AOX1: variants seen among roughly 807,000 people sequenced by gnomAD.
The protein encoded by AOX1 is aldehyde oxidase 1, also known as aldehyde oxidase.
Under a neutral mutation model 169.5 loss-of-function variants are expected in AOX1, and 153 were observed. The observed-to-expected ratio is 0.90, with a 90% CI of 0.79 to 1.03. The LOEUF is 1.03. Ranked by LOEUF, AOX1 falls within the 50% of genes least tolerant of loss-of-function variation. AOX1 has a pLI of 0.00. For synonymous variants in AOX1, 562 were observed against 581.9 expected (o/e 0.97, Z 0.49); for missense variants, 1,656 against 1,663.9 (o/e 1.00, Z 0.08).
intron 22 of AOX1, 74 bp downstream of exon 22, chr2:200,637,118 G>T: frequency 6.4e-7 from 1 of 1,563,170 alleles, no homozygotes; most frequent in South Asian, 1.2e-5. Flanking sequence ...CAATGAGGAA[G>T]AACCTGGGCC....
At chr2:200,661,777 C>T (rs1484027732) in intron 30 of AOX1, 146 bp downstream of exon 30, 4 of 639,692 alleles carry the variant, frequency 6.3e-6, no homozygotes, top group East Asian at 2.8e-5. Flanking sequence ...GCTAGTTAAT[C>T]CATGGTTGTG....
At chr2:200,603,424 A>G in intron 7 of AOX1, 68 bp downstream of exon 7, 1 of 1,269,616 alleles carries the variant, frequency 7.9e-7, no homozygotes, top group Non-Finnish European at 1.1e-6. Flanking sequence ...TACTCTTAGG[A>G]AGAACAAATG....
intron 16 of AOX1, 82 bp downstream of exon 16, chr2:200,616,145 A>G: frequency 1.0e-6 from 1 of 999,482 alleles, no homozygotes; most frequent in Non-Finnish European, 1.5e-6. Flanking sequence ...TCTCTCCGTG[A>G]AACTCAAGCT....
intron 34 of AOX1, among the ~76,000 whole-genome samples, chr2:200,670,300 G>A (rs932004424): frequency 6.6e-6 from 1 of 152,108 alleles, no homozygotes; most frequent in Non-Finnish European, 1.5e-5. Context: ...TTGACTGAAG[G>A]GAAAGCCCCT....
At chr2:200,638,171 G>T (rs370676587) in intron 22 of AOX1, 44 bp from the exon 23 acceptor site, 3 of 1,577,864 alleles carry the variant, frequency 1.9e-6, no homozygotes, top group Admixed American at 1.7e-5. Context: ...GAGAATGCCT[G>T]CTAGGTAAAA....
chr2:200,627,431 G>C lies in AOX1; in HGVS notation c.2203G>C (p.Val735Leu), dbSNP rs2035028793. Residue 735 changes from valine to leucine, a missense_variant, in exon 20 of 35, where the codon GTT becomes CTT. Coordinates refer to ENST00000374700, the MANE Select transcript of AOX1 (RefSeq NM_001159.4). Reference protein sequence around the residue: ...YGNVDEAFKVVDQILEGEIHM... With the variant: ...YGNVDEAFKVLDQILEGEIHM... ...AAATGTTGACGAAGCATTTAAAGTG[G>C]TTGATCAAATTCTTGAAGGTAAAAA... is the stretch of plus-strand genomic sequence containing the variant. 3 of 1,613,040 alleles carry C rather than the reference G, an allele frequency of 1.9e-6. No homozygotes were observed. Among genetic ancestry groups the C allele is most frequent in the Non-Finnish European group, 1.7e-6 (2 of 1,179,162 alleles).
rs2035789444 is a variant in AOX1 at position 200,659,989 on chromosome 2, C to G, written c.3301-6C>G. 4 of 1,608,196 alleles carry G rather than the reference C, an allele frequency of 2.5e-6. No homozygotes were observed. The highest frequency in any genetic ancestry group is 3.4e-6 in the Non-Finnish European group (4 of 1,176,282). ...AGCATAATTTTAATTTAAAAATAAT[C>G]TCTAGGATGCCTGTCAAACTCTTCT... On this transcript the variant is annotated splice_region_variant and splice_polypyrimidine_tract_variant and intron_variant, in intron 28 of 34. Transcript: ENST00000374700.
chr2:200,621,607 A>G (rs2034887544), intron 18 of AOX1, among the ~76,000 whole-genome samples: 1 of 152,064 alleles, frequency 6.6e-6, no homozygotes, highest in African/African-American at 2.4e-5. Context: ...TCAAAGTTCA[A>G]CTACAAGTTC....
chr2:200,587,430 G>A (rs1559226903), intron 1 of AOX1, among the ~76,000 whole-genome samples: 2 of 152,150 alleles, frequency 1.3e-5, no homozygotes, highest in African/African-American at 2.4e-5. Context: ...TTTTCCCGAC[G>A]GGCACCAGCT....
rs552663849 is a variant in AOX1, at chr2:200,669,316, A to T, written c.3799-259A>T. On this transcript the variant is annotated intron_variant, in intron 33 of 34. Coordinates refer to ENST00000374700, the MANE Select transcript of AOX1 (RefSeq NM_001159.4). ...AAAAAATAGCCAGGTGTGGCGGTGCATGTCTATAATCCCAGCTACTTGGAG... is the reference window on the plus strand; with the variant it reads ...AAAAAATAGCCAGGTGTGGCGGTGCTTGTCTATAATCCCAGCTACTTGGAG... Among the ~76,000 whole-genome samples, 3 of 152,094 alleles carry T rather than the reference A, an allele frequency of 2.0e-5. No homozygotes were observed. In the South Asian group the frequency reaches 6.2e-4, roughly 32 times the overall value.
At chr2:200,633,194 G>A (rs1480021241) in intron 20 of AOX1, among the ~76,000 whole-genome samples, 2 of 152,064 alleles carry the variant, frequency 1.3e-5, no homozygotes, top group African/African-American at 4.8e-5. Flanking sequence ...TGACTATGAG[G>A]TATCTTGGAG....
At chr2:200,596,174 G>T (rs187886267) in intron 3 of AOX1, among the ~76,000 whole-genome samples, 1 of 152,326 alleles carries the variant, frequency 6.6e-6, no homozygotes, top group East Asian at 1.9e-4. Context: ...GCACTGGTGA[G>T]GTTTCAGATA....
chr2:200,626,211 G>A (rs919060405), intron 19 of AOX1, among the ~76,000 whole-genome samples: 2 of 152,194 alleles, frequency 1.3e-5, no homozygotes, highest in Admixed American at 1.3e-4. Flanking sequence ...TACATAGCTA[G>A]TCAGTAACAA....
At chr2:200,660,508 A>G (rs1448176600) in intron 29 of AOX1, among the ~76,000 whole-genome samples, 1 of 152,194 alleles carries the variant, frequency 6.6e-6, no homozygotes, top group East Asian at 1.9e-4. Flanking sequence ...GCCAGTGGGT[A>G]TATGTTCATC....
chr2:200,622,898 C>T (rs548746518), intron 18 of AOX1, among the ~76,000 whole-genome samples: 1 of 152,274 alleles, frequency 6.6e-6, no homozygotes, highest in Admixed American at 6.5e-5. Flanking sequence ...ACAATGAACC[C>T]CATAGATCCA....
intron 3 of AOX1, among the ~76,000 whole-genome samples, chr2:200,596,039 T>C (rs1006678986): frequency 6.6e-6 from 1 of 152,196 alleles, no homozygotes; most frequent in African/African-American, 2.4e-5. Flanking sequence ...TCTCAAGGCA[T>C]TATCTCTTCA....
chr2:200,590,461 C>T (rs1325683054), intron 1 of AOX1, among the ~76,000 whole-genome samples: 1 of 152,144 alleles, frequency 6.6e-6, no homozygotes, highest in Non-Finnish European at 1.5e-5. Flanking sequence ...TCTAGCCTCC[C>T]TCTGAGTCCT....
intron 25 of AOX1, among the ~76,000 whole-genome samples, chr2:200,645,555 T>C (rs1455561155): frequency 6.6e-6 from 1 of 152,102 alleles, no homozygotes; most frequent in Non-Finnish European, 1.5e-5. Context: ...CCTTTCCTGG[T>C]TTTGTTATTA....
intron 1 of AOX1, among the ~76,000 whole-genome samples, chr2:200,590,257 T>C (rs941478082): frequency 6.6e-6 from 1 of 152,052 alleles, no homozygotes; most frequent in African/African-American, 2.4e-5. Flanking sequence ...CAGAGAAAAG[T>C]GATTTCTTAA....
Sources: gnomAD v4.1 joint callset for allele counts (sites outside exome capture counted in the v4.1 genomes callset) on GRCh38, gnomAD v4.1.1 for gene constraint, MANE v1.5 for transcripts, NCBI Gene and HGNC (gene_info 2026-07-23, HGNC 2026-07-21) for gene names.